Variants in SPIRE1 observed in about 807,000 individuals in gnomAD.
SPIRE1 encodes spire type actin nucleation factor 1.
SPIRE1 carries 40 observed loss-of-function variants against 94.1 expected under a neutral mutation model. The ratio of observed to expected loss-of-function variants is 0.43; its 90% CI spans 0.33 to 0.55. The LOEUF (loss-of-function observed/expected upper bound fraction) is 0.55. Ranked by LOEUF, SPIRE1 falls within the 20% of genes least tolerant of loss-of-function variation. The probability of loss-of-function intolerance (pLI) is 0.06; values close to 1 mark genes in which losing one functional copy is unlikely to be tolerated. For synonymous variants in SPIRE1, 376 were observed against 371.7 expected (o/e 1.01, Z -0.13); for missense variants, 838 against 975.2 (o/e 0.86, Z 1.87).
chr18:12,661,381 C>A (rs2038693105), upstream of SPIRE1: 1 of 983,468 alleles, frequency 1.0e-6, no homozygotes, highest in Non-Finnish European at 1.2e-6. Context: ...GACTGCTGAC[C>A]ACTCAAAGGC....
intron 4 of SPIRE1, among the ~76,000 whole-genome samples, chr18:12,525,662 C>T (rs995867596): frequency 4.6e-5 from 7 of 152,050 alleles, no homozygotes; most frequent in Non-Finnish European, 7.4e-5. Context: ...ACTATACACA[C>T]GGGAACCTGC....
At position 12,541,366 on chromosome 18, in the gene SPIRE1, C is replaced by T. The variant is rs949743696; in HGVS notation, c.603+5308G>A. The stretch of plus-strand genomic sequence containing the variant: ...AGTCAGGTTTGTTATTCTCATTATC[C>T]AAATATTCTATATTTGTACTGATAC... On this transcript the variant is annotated intron_variant, in intron 3 of 16. Transcript: ENST00000409402. 5.9e-5 allele frequency among the ~76,000 whole-genome samples: 9 copies of T among 152,174 alleles called. 1 individual carries two copies. In the South Asian group the frequency reaches 1.5e-3, roughly 25 times the overall value.
intron 2 of SPIRE1, among the ~76,000 whole-genome samples, chr18:12,576,605 A>G (rs1055846250): frequency 6.7e-6 from 1 of 150,220 alleles, no homozygotes; most frequent in Non-Finnish European, 1.5e-5. Context: ...AAAAAAAAAA[A>G]AAGACGGGGC....
chr18:12,629,545 C>T (rs2037720435), intron 2 of SPIRE1, among the ~76,000 whole-genome samples: 1 of 152,076 alleles, frequency 6.6e-6, no homozygotes, highest in African/African-American at 2.4e-5. Flanking sequence ...AAATATGGGT[C>T]ACACGCTGTT....
chr18:12,512,583 A>G (rs1301099971), intron 4 of SPIRE1, 52 bp from the exon 5 acceptor site: 4 of 1,110,644 alleles, frequency 3.6e-6, no homozygotes, highest in African/African-American at 1.6e-5. Flanking sequence ...TATCTTCTCA[A>G]ATTAAAATTC....
chr18:12,599,193 C>T (rs1265707588), intron 2 of SPIRE1, among the ~76,000 whole-genome samples: 1 of 152,198 alleles, frequency 6.6e-6, no homozygotes, highest in East Asian at 1.9e-4. Context: ...GTTCCCCAAA[C>T]ATGCTCTTTG....
Position 12,463,449 on chromosome 18 carries a change from T to C in SPIRE1, c.1540A>G (p.Arg514Gly). 6.2e-7 allele frequency: 1 copy of C among 1,613,996 alleles called. No individual in the cohort carries two copies. The highest frequency in any genetic ancestry group is 8.5e-7 in the Non-Finnish European group (1 of 1,179,958). Reference sequence around the variant, plus strand: ...TGTCGTCTCTGGGGTGGCTGCCGTCTCTCTGGCTGGGGTGTTGATGATATG... The same window carrying C: ...TGTCGTCTCTGGGGTGGCTGCCGTCCCTCTGGCTGGGGTGTTGATGATATG... ...LPISSTPQPE[R>G]RQPPQRRHSI... The change falls in exon 12 of 17, where the codon AGA (arginine) becomes GGA (glycine). Residue 514 changes from arginine to glycine, a missense_variant. Arg to Gly is a moderately radical substitution (Grantham distance 125). Around this residue, in one of 2 missense-constraint regions of SPIRE1, gnomAD observed 645 missense variants for 804.7 expected, o/e 0.80. Transcript: ENST00000409402.
intron 2 of SPIRE1, among the ~76,000 whole-genome samples, chr18:12,626,817 T>C (rs2037638921): frequency 6.6e-6 from 1 of 150,568 alleles, no homozygotes; most frequent in Admixed American, 6.7e-5. Flanking sequence ...ACATTTGCTG[T>C]GATGATTAAT....
At chr18:12,561,454 CG>C (rs2035682882) in intron 2 of SPIRE1, among the ~76,000 whole-genome samples, 1 of 151,804 alleles carries the variant, frequency 6.6e-6, no homozygotes, top group East Asian at 1.9e-4. Context: ...TTAGTAGAGA[CG>C]GGGTTTCTCC....
intron 2 of SPIRE1, among the ~76,000 whole-genome samples, chr18:12,629,771 CA>C (rs1362522193): frequency 6.6e-6 from 1 of 151,984 alleles, no homozygotes; most frequent in Non-Finnish European, 1.5e-5. Flanking sequence ...ATTATACTTT[CA>C]AAAAGCAGAA....
At chr18:12,639,295 A>T (rs2038021016) in intron 1 of SPIRE1, among the ~76,000 whole-genome samples, 1 of 152,036 alleles carries the variant, frequency 6.6e-6, no homozygotes, top group South Asian at 2.1e-4. Flanking sequence ...AAGTCACAGG[A>T]TTTGTAAGTT....
At chr18:12,536,303 T>C (rs1380290419) in intron 3 of SPIRE1, among the ~76,000 whole-genome samples, 2 of 152,174 alleles carry the variant, frequency 1.3e-5, no homozygotes, top group African/African-American at 2.4e-5. Flanking sequence ...ATGTCGTATA[T>C]ACAACATAAT....
At chr18:12,546,450 T>C (rs1179068740) in intron 3 of SPIRE1, among the ~76,000 whole-genome samples, 3 of 151,910 alleles carry the variant, frequency 2.0e-5, no homozygotes, top group Non-Finnish European at 2.9e-5. Context: ...CTGAGCAACA[T>C]AGCAAGACCT....
chr18:12,546,567 C>T, intron 3 of SPIRE1, 107 bp downstream of exon 3: 2 of 863,968 alleles, frequency 2.3e-6, no homozygotes, highest in Non-Finnish European at 3.8e-6. Flanking sequence ...CACCACTGCA[C>T]TCTAGCCTGG....
chr18:12,515,155 A>T (rs2034161102), intron 4 of SPIRE1, among the ~76,000 whole-genome samples: 1 of 152,208 alleles, frequency 6.6e-6, no homozygotes, highest in East Asian at 1.9e-4. Flanking sequence ...AACCATAAAA[A>T]TATGAAAAAA....
At chr18:12,479,952 T>A (rs2032780246) in intron 9 of SPIRE1, 81 bp from the exon 10 acceptor site, 1 of 1,371,458 alleles carries the variant, frequency 7.3e-7, no homozygotes, top group Non-Finnish European at 9.9e-7. Flanking sequence ...AACAGAGCAT[T>A]TCATACAAAA....
At chr18:12,604,190 A>G (rs1030422400) in intron 2 of SPIRE1, among the ~76,000 whole-genome samples, 3 of 152,214 alleles carry the variant, frequency 2.0e-5, no homozygotes, top group Non-Finnish European at 4.4e-5. Context: ...AATTTAGAAC[A>G]GATGGGTCAG....
chr18:12,640,883 T>C (rs563789679), intron 1 of SPIRE1, among the ~76,000 whole-genome samples: 36 of 152,246 alleles, frequency 2.4e-4, no homozygotes, highest in African/African-American at 8.4e-4. Context: ...GGGAAGCTAT[T>C]GAAGGATACC....
At chr18:12,459,683 G>A (rs528160878) in intron 12 of SPIRE1, 62 of 883,546 alleles carry the variant, frequency 7.0e-5, no homozygotes, top group African/African-American at 4.5e-4. Flanking sequence ...CTCAGAGAAC[G>A]CAACAGTTGA....
Sources: allele counts gnomAD v4.1 joint callset (sites outside exome capture counted in the v4.1 genomes callset), GRCh38; gene constraint gnomAD v4.1.1; regional missense constraint gnomAD v4.1.1; transcripts MANE v1.5; gene names NCBI Gene and HGNC (gene_info 2026-07-23, HGNC 2026-07-21).